Variants in SSH1 observed in about 807,000 individuals in gnomAD.
The protein encoded by SSH1 is slingshot protein phosphatase 1, also known as protein phosphatase Slingshot homolog 1.
Under a neutral mutation model 79.7 loss-of-function variants are expected in SSH1, and 43 were observed. The ratio of observed to expected loss-of-function variants is 0.54; its 90% CI spans 0.42 to 0.70. SSH1 has a LOEUF of 0.70. SSH1 is among the 30% of genes least tolerant of loss of function. The pLI is 0.00. For missense variants in SSH1, 1,206 were observed against 1,358.8 expected, an observed-to-expected ratio of 0.89 and a Z score of 1.77; for synonymous variants, 599 against 538.3, an observed-to-expected ratio of 1.11 and a Z score of -1.56.
chr12:108,817,537 C>A (rs900624342), intron 4 of SSH1, among the ~76,000 whole-genome samples: 1 of 151,262 alleles, frequency 6.6e-6, no homozygotes, highest in Non-Finnish European at 1.5e-5. Context: ...ATCATGCCAC[C>A]ACATGCCAGC....
In SSH1 at chr12:108,785,758, TAAAAAACC is replaced by T. The variant is rs2036255162; in HGVS notation, c.*2222_*2229del. 1 of 152,136 alleles carries T rather than the reference TAAAAAACC, an allele frequency of 6.6e-6. No individual in the cohort carries two copies. Among genetic ancestry groups the T allele is most frequent in the African/African-American group, 2.4e-5 (1 of 41,402 alleles). 9.4% of individuals were successfully genotyped at this position (152,136 alleles called of 1,614,324 possible). On this transcript the variant is annotated 3_prime_UTR_variant, in exon 15 of 15. Coordinates refer to ENST00000326495, the MANE Select transcript of SSH1 (RefSeq NM_018984.4). The stretch of plus-strand genomic sequence containing the variant: ...TATCATTCTCATACATAGACGTGGT[TAAAAAACC>T]AACAAAAGCCTGTCATCACTAAATT...
At chr12:108,852,508 G>C in intron 2 of SSH1, 130 bp downstream of exon 2, 1 of 1,065,242 alleles carries the variant, frequency 9.4e-7, no homozygotes, top group Admixed American at 1.7e-5. Flanking sequence ...GGAATTACAG[G>C]CGTGACCCAC....
intron 12 of SSH1, among the ~76,000 whole-genome samples, chr12:108,799,772 G>A (rs1251417690): frequency 1.3e-5 from 2 of 152,246 alleles, no homozygotes; most frequent in South Asian, 2.1e-4. Context: ...GGAAGATGGG[G>A]CTGGCCGTTT....
intron 12 of SSH1, 119 bp downstream of exon 12, chr12:108,800,661 G>T: frequency 1.6e-6 from 2 of 1,217,698 alleles, no homozygotes; most frequent in Non-Finnish European, 2.4e-6. Flanking sequence ...TGCGTCTGGA[G>T]TCCCGTTAGG....
intron 2 of SSH1, chr12:108,834,283 T>A (rs2038544875): frequency 6.6e-6 from 1 of 152,382 alleles, no homozygotes; most frequent in Non-Finnish European, 1.5e-5. Context: ...CTTCCTCCCA[T>A]CTGCCTCCCG....
intron 2 of SSH1, among the ~76,000 whole-genome samples, chr12:108,835,862 C>CAT (rs368657385): frequency 8.2e-6 from 1 of 122,204 alleles, no homozygotes; most frequent in African/African-American, 3.1e-5. Context: ...TGATATATAG[C>CAT]ATATATACAT....
rs557327846 is a variant in SSH1, at chr12:108,818,138, T to C, written c.279+111A>G. On this transcript the variant is annotated intron_variant, in intron 4 of 14. Coordinates refer to ENST00000326495, the MANE Select transcript of SSH1 (RefSeq NM_018984.4). ...GCTTGAACCCAGGAGTTTGAGGCTG[T>C]AGTGAGCTAAGATCATGCCACTGCA... 8.1e-6 allele frequency: 7 copies of C among 865,700 alleles called. No homozygotes were observed. The East Asian group carries it at 1.5e-4, about 19-fold the overall frequency. 53.6% of individuals were successfully genotyped at this position (865,700 alleles called of 1,614,324 possible).
rs1455444708 is a variant in SSH1, at chr12:108,787,740, C to T, written c.*248G>A. 64 of 556,188 alleles carry T rather than the reference C, an allele frequency of 1.2e-4. 1 individual carries two copies. The highest frequency in any genetic ancestry group is 4.8e-4 in the Middle Eastern group (1 of 2,082). 34.5% of individuals were successfully genotyped at this position (556,188 alleles called of 1,614,324 possible). ...GTTCTTCTTGAAGACACGGTGGGAG[C>T]GGAGTTTTGTGTCTCCTGGCCGGCG... On this transcript the variant is annotated 3_prime_UTR_variant, in exon 15 of 15. Transcript: ENST00000326495.
chr12:108,842,879 T>A (rs1037872683), intron 2 of SSH1, among the ~76,000 whole-genome samples: 1 of 152,190 alleles, frequency 6.6e-6, no homozygotes, highest in African/African-American at 2.4e-5. Context: ...CTCCAGGGAA[T>A]GGGAATTCAA....
In SSH1 at chr12:108,857,532, C is replaced by T; in HGVS notation, c.-36G>A. ...CGGTGCGAGGGCGCCACAGACGTCT[C>T]GAGCTAGAGCCGCCACCGCCACCGC... On this transcript the variant is annotated 5_prime_UTR_variant, in exon 1 of 15. Coordinates refer to ENST00000326495, the MANE Select transcript of SSH1 (RefSeq NM_018984.4). The surrounding 1 kb of genome is among the most constrained non-coding windows in gnomAD (Gnocchi z 4.7). 9.5e-7 allele frequency: 1 copy of T among 1,057,984 alleles called. No individual in the cohort carries two copies. 65.5% of individuals were successfully genotyped at this position (1,057,984 alleles called of 1,614,324 possible).
At position 108,792,807 on chromosome 12, in the gene SSH1, A is replaced by G; in HGVS notation, c.1372T>C (p.Trp458Arg). 1 of 1,613,656 alleles carries G rather than the reference A, an allele frequency of 6.2e-7. No homozygotes were observed. Among genetic ancestry groups the G allele is most frequent in the Non-Finnish European group, 8.5e-7 (1 of 1,180,016 alleles). The change falls in exon 14 of 15, where the codon TGG (tryptophan) becomes CGG (arginine). Residue 458 changes from tryptophan (W) to arginine (R), a missense_variant. Coordinates refer to ENST00000326495, the MANE Select transcript of SSH1 (RefSeq NM_018984.4). ...DASKQRHNKL[W>R]RQQTDSSLQQ... Reference sequence around the variant, plus strand: ...AGGCTGCTGTCTGTCTGCTGACGCCACAGCTTGTTGTGCCGCTGTTTGCTG... The same window carrying G: ...AGGCTGCTGTCTGTCTGCTGACGCCGCAGCTTGTTGTGCCGCTGTTTGCTG...
intron 3 of SSH1, among the ~76,000 whole-genome samples, chr12:108,821,080 T>C (rs914577082): frequency 1.3e-5 from 2 of 152,190 alleles, no homozygotes; most frequent in African/African-American, 4.8e-5. Context: ...AATTAGCAAA[T>C]TCAAGAACGA....
intron 2 of SSH1, among the ~76,000 whole-genome samples, chr12:108,840,001 A>C (rs112483123): frequency 6.6e-6 from 1 of 152,228 alleles, no homozygotes; most frequent in Non-Finnish European, 1.5e-5. Flanking sequence ...AAGTGAGCTA[A>C]GTGGCAAGGC....
chr12:108,808,821 CTTTTTT>C (rs148110288), intron 7 of SSH1, among the ~76,000 whole-genome samples: 44 of 80,270 alleles, frequency 5.5e-4, no homozygotes, highest in African/African-American at 1.8e-3. Flanking sequence ...TCTTTTACTT[CTTTTTT>C]TTTTTTTTTT....
At chr12:108,837,814 T>C (rs2038676899) in intron 2 of SSH1, among the ~76,000 whole-genome samples, 1 of 152,112 alleles carries the variant, frequency 6.6e-6, no homozygotes, top group African/African-American at 2.4e-5. Context: ...GGTCTTACTC[T>C]GTCGCCCAGG....
chr12:108,849,515 C>A (rs558440732), intron 2 of SSH1, among the ~76,000 whole-genome samples: 1 of 152,074 alleles, frequency 6.6e-6, no homozygotes, highest in African/African-American at 2.4e-5. Context: ...TATGATCACA[C>A]CATTGCACTC....
At chr12:108,828,646 T>C (rs2038393189) in intron 2 of SSH1, among the ~76,000 whole-genome samples, 1 of 152,144 alleles carries the variant, frequency 6.6e-6, no homozygotes, top group Non-Finnish European at 1.5e-5. Context: ...GGTTCTTCCA[T>C]CTGCCCAAGT....
At chr12:108,794,395 G>A (rs983742583) in intron 13 of SSH1, among the ~76,000 whole-genome samples, 1 of 152,178 alleles carries the variant, frequency 6.6e-6, no homozygotes, top group Non-Finnish European at 1.5e-5. Context: ...GAGGGGCCGC[G>A]GTGTACCTCT....
At chr12:108,830,882 C>T (rs939985288) in intron 2 of SSH1, among the ~76,000 whole-genome samples, 2 of 152,004 alleles carry the variant, frequency 1.3e-5, no homozygotes, top group African/African-American at 2.4e-5. Context: ...TGAGCTCAAG[C>T]GATTGTTCCG....
Sources: gnomAD v4.1 joint callset for allele counts (sites outside exome capture counted in the v4.1 genomes callset) on GRCh38, gnomAD v4.1.1 for gene constraint, Gnocchi (gnomAD v3.1) non-coding constraint, MANE v1.5 for transcripts, NCBI Gene and HGNC (gene_info 2026-07-23, HGNC 2026-07-21) for gene names.